The following KCNIP3 variants were observed in gnomAD, a reference collection of about 807,000 sequenced individuals.
KCNIP3 encodes the protein potassium voltage-gated channel interacting protein 3.
A neutral mutation model predicts 35.0 loss-of-function variants in KCNIP3; 28 were observed. The observed-to-expected ratio is 0.80, with a 90% CI of 0.59 to 1.10. KCNIP3 has a LOEUF of 1.10. Among genes scored for constraint, KCNIP3 ranks in the 50% least tolerant of loss-of-function variants. The probability of loss-of-function intolerance (pLI) is 0.00; values close to 1 mark genes in which losing one functional copy is unlikely to be tolerated. For synonymous variants in KCNIP3, 134 were observed against 133.8 expected (o/e 1.00, Z -0.01); for missense variants, 295 against 338.4 (o/e 0.87, Z 1.01).
chr2:95,323,498 A>G (rs1037369057), intron 2 of KCNIP3, among the ~76,000 whole-genome samples: 7 of 151,584 alleles, frequency 4.6e-5, no homozygotes, highest in Non-Finnish European at 5.9e-5. Context: ...CCCCTCCAGG[A>G]AAGGGCCCCT....
In KCNIP3 at chr2:95,377,633, G is replaced by A. The variant is rs1680238922; in HGVS notation, c.447+2425G>A. On this transcript the variant is annotated intron_variant, in intron 5 of 8. Coordinates refer to ENST00000295225, the MANE Select transcript of KCNIP3 (RefSeq NM_013434.5). The surrounding 1 kb of genome is among the most constrained non-coding windows in gnomAD (Gnocchi z 4.7). ...GAGCATGGAGTTACAACTTGCCATG[G>A]TTGCACTGTGTATGGCCAAGGAATT... Among the ~76,000 whole-genome samples, 1 of 152,232 alleles carries A rather than the reference G, an allele frequency of 6.6e-6. No individual in the cohort carries two copies. Among genetic ancestry groups the A allele is most frequent in the Non-Finnish European group, 1.5e-5 (1 of 68,044 alleles).
At chr2:95,339,621 T>A (rs1385149162) in intron 2 of KCNIP3, among the ~76,000 whole-genome samples, 5 of 149,588 alleles carry the variant, frequency 3.3e-5, no homozygotes, top group African/African-American at 1.0e-4. Flanking sequence ...AATAATGAAG[T>A]CAGACCAGGT....
chr2:95,360,758 C>T (rs928699330), intron 2 of KCNIP3, among the ~76,000 whole-genome samples: 1 of 151,540 alleles, frequency 6.6e-6, no homozygotes, highest in African/African-American at 2.4e-5. Context: ...AGAGAGAGAG[C>T]GAGAGACAGA....
intron 2 of KCNIP3, among the ~76,000 whole-genome samples, chr2:95,318,778 G>C (rs1246477623): frequency 6.6e-6 from 1 of 152,274 alleles, no homozygotes; most frequent in Non-Finnish European, 1.5e-5. Flanking sequence ...TTGGAGTGCT[G>C]AGCAAGTGCT....
intron 2 of KCNIP3, among the ~76,000 whole-genome samples, chr2:95,364,845 A>C (rs554921630): frequency 6.6e-6 from 1 of 152,168 alleles, no homozygotes; most frequent in Non-Finnish European, 1.5e-5. Flanking sequence ...TTCTTTATAA[A>C]TAATGCAGTC....
chr2:95,374,470 G>A (rs574664414), intron 3 of KCNIP3, 50 bp downstream of exon 3: 65 of 1,596,902 alleles, frequency 4.1e-5, no homozygotes, highest in Non-Finnish European at 5.4e-5. Context: ...CCTGGCTCAG[G>A]GAGACCTGGA....
rs754090363 is a variant in KCNIP3 at position 95,375,134 on chromosome 2, C to G, written c.377-4C>G. On this transcript the variant is annotated splice_polypyrimidine_tract_variant and splice_region_variant and intron_variant, in intron 4 of 8. Coordinates refer to ENST00000295225, the MANE Select transcript of KCNIP3 (RefSeq NM_013434.5). ...CACCCCAGCCTCTTCCTTGCCCTCC[C>G]CAGATGCCACCACCTATGCACACTT... is the stretch of plus-strand genomic sequence containing the variant. 9 of 1,614,118 alleles carry G rather than the reference C, an allele frequency of 5.6e-6. No homozygotes were observed. The Admixed American group carries it at 1.3e-4, about 24-fold the overall frequency.
At chr2:95,347,409 T>C (rs1206483991) in intron 2 of KCNIP3, among the ~76,000 whole-genome samples, 1 of 152,178 alleles carries the variant, frequency 6.6e-6, no homozygotes, top group African/African-American at 2.4e-5. Context: ...GCGCCCCTGG[T>C]GAGCACACCG....
chr2:95,374,253 A>C, intron 2 of KCNIP3, 43 bp from the exon 3 acceptor site: 1 of 1,596,632 alleles, frequency 6.3e-7, no homozygotes, highest in Non-Finnish European at 8.5e-7. Flanking sequence ...ATGGAGGAGC[A>C]GGGCTACAGG....
intron 2 of KCNIP3, among the ~76,000 whole-genome samples, chr2:95,322,051 A>G (rs1489009502): frequency 6.6e-6 from 1 of 152,074 alleles, no homozygotes; most frequent in African/African-American, 2.4e-5. Context: ...CAGTTTCCTC[A>G]TCTGCAAAAT....
At chr2:95,349,905 G>A (rs1486578673) in intron 2 of KCNIP3, among the ~76,000 whole-genome samples, 1 of 152,212 alleles carries the variant, frequency 6.6e-6, no homozygotes, top group East Asian at 1.9e-4. Flanking sequence ...TTTGGGACCT[G>A]GACCCTGTAG....
chr2:95,301,212 G>T (rs1322976831), intron 1 of KCNIP3, among the ~76,000 whole-genome samples: 3 of 152,262 alleles, frequency 2.0e-5, no homozygotes, highest in African/African-American at 7.2e-5. Flanking sequence ...CACAGCATCT[G>T]CCAGGCCTTG....
chr2:95,338,553 C>G (rs1420899134), intron 2 of KCNIP3, among the ~76,000 whole-genome samples: 11 of 152,124 alleles, frequency 7.2e-5, no homozygotes, highest in Non-Finnish European at 1.0e-4. Context: ...TACTTATGAC[C>G]CATTGGCCCA....
intron 6 of KCNIP3, among the ~76,000 whole-genome samples, chr2:95,381,989 A>C (rs1157720425): frequency 6.6e-6 from 1 of 152,202 alleles, no homozygotes; most frequent in African/African-American, 2.4e-5. Context: ...GGGAGATTTA[A>C]GTGGAGAAGC....
intron 7 of KCNIP3, 92 bp from the exon 8 acceptor site, chr2:95,383,140 T>TCCAC: frequency 2.8e-6 from 1 of 358,692 alleles, no homozygotes; most frequent in African/African-American, 2.4e-5. Flanking sequence ...CACCCGCCCA[T>TCCAC]CCACCCACCC....
At chr2:95,305,779 C>A (rs1412210238) in intron 1 of KCNIP3, among the ~76,000 whole-genome samples, 1 of 152,180 alleles carries the variant, frequency 6.6e-6, no homozygotes, top group Non-Finnish European at 1.5e-5. Context: ...CTTTTTCATT[C>A]AGCGTAATTC....
At chr2:95,350,443 C>T (rs1300776809) in intron 2 of KCNIP3, among the ~76,000 whole-genome samples, 5 of 152,162 alleles carry the variant, frequency 3.3e-5, no homozygotes, top group East Asian at 1.9e-4. Flanking sequence ...GGCAGCAGCT[C>T]GGGGAGGATT....
chr2:95,318,132 A>G (rs1326659313), intron 2 of KCNIP3, among the ~76,000 whole-genome samples: 9 of 152,068 alleles, frequency 5.9e-5, no homozygotes, highest in Non-Finnish European at 1.2e-4. Flanking sequence ...ACCCCTCCCC[A>G]CTGTGACCTG....
intron 2 of KCNIP3, among the ~76,000 whole-genome samples, chr2:95,352,039 G>T (rs939954211): frequency 1.3e-5 from 2 of 152,152 alleles, no homozygotes; most frequent in African/African-American, 4.8e-5. Context: ...GAGGTGGGCA[G>T]ATCACTTGAG....
Sources: allele counts gnomAD v4.1 joint callset (sites outside exome capture counted in the v4.1 genomes callset), GRCh38; gene constraint gnomAD v4.1.1; non-coding constraint Gnocchi (gnomAD v3.1); transcripts MANE v1.5; gene names NCBI Gene and HGNC (gene_info 2026-07-23, HGNC 2026-07-21).